The following SGMS2 variants were observed in gnomAD, a reference collection of about 807,000 sequenced individuals.
The protein encoded by SGMS2 is phosphatidylcholine:ceramide cholinephosphotransferase 2.
A neutral mutation model predicts 43.8 loss-of-function variants in SGMS2; 21 were observed. The observed-to-expected ratio is 0.48, with a 90% CI of 0.34 to 0.69. The LOEUF (loss-of-function observed/expected upper bound fraction) is 0.69, where lower values mean the gene tolerates loss of function less well. SGMS2 is among the 30% of genes least tolerant of loss of function. SGMS2 has a pLI of 0.01. For missense variants in SGMS2, 384 were observed against 443.2 expected, an observed-to-expected ratio of 0.87 and a Z score of 1.20; for synonymous variants, 167 against 160.6, an observed-to-expected ratio of 1.04 and a Z score of -0.30.
At chr4:107,865,621 A>G (rs780996790) in intron 2 of SGMS2, among the ~76,000 whole-genome samples, 7 of 152,276 alleles carry the variant, frequency 4.6e-5, no homozygotes, top group Middle Eastern at 3.4e-3. Context: ...TCACCCAATA[A>G]CTTTTCTATT....
intron 5 of SGMS2, chr4:107,908,308 G>A (rs1731783976): frequency 7.9e-6 from 3 of 380,904 alleles, no homozygotes; most frequent in Non-Finnish European, 1.4e-5. Flanking sequence ...TATTCACGTG[G>A]GTAAGGCCTA....
chr4:107,834,993 C>A (rs1269530847), intron 1 of SGMS2, among the ~76,000 whole-genome samples: 4 of 152,062 alleles, frequency 2.6e-5, no homozygotes, highest in African/African-American at 9.7e-5. Context: ...TATGATCATG[C>A]CACTGTACTC....
chr4:107,830,225 A>C (rs1427549656), intron 1 of SGMS2, among the ~76,000 whole-genome samples: 1 of 152,132 alleles, frequency 6.6e-6, no homozygotes, highest in Non-Finnish European at 1.5e-5. Context: ...CATTTTTATG[A>C]CTGCATAGTA....
At chr4:107,854,912 C>A (rs566749291) in intron 1 of SGMS2, among the ~76,000 whole-genome samples, 1 of 152,254 alleles carries the variant, frequency 6.6e-6, no homozygotes, top group South Asian at 2.1e-4. Context: ...GTGTCAAATG[C>A]TTTCTTTTTC....
chr4:107,859,396 A>G (rs1727604348), intron 2 of SGMS2, among the ~76,000 whole-genome samples: 1 of 152,230 alleles, frequency 6.6e-6, no homozygotes, highest in Admixed American at 6.5e-5. Context: ...AATATTATTC[A>G]GCACAGTATT....
In SGMS2 at chr4:107,910,354, T is replaced by G. The variant is rs748063730; in HGVS notation, c.899T>G (p.Leu300Trp). The change falls in exon 7 of 7, where the codon TTG becomes TGG. Residue 300 changes from leucine (L) to tryptophan (W), a missense_variant. Transcript: ENST00000690982. Reference sequence around the variant, plus strand: ...ATTTTTTTCTACCATTTACAGAACTTGAAGGTCTCTTCACAGACTAATTTC... The same window carrying G: ...ATTTTTTTCTACCATTTACAGAACTGGAAGGTCTCTTCACAGACTAATTTC... ...WYHSMANEKN[L>W]KVSSQTNFLS... 7 of 1,613,448 alleles carry G rather than the reference T, an allele frequency of 4.3e-6. No homozygotes were observed. In the South Asian group the frequency reaches 7.7e-5, roughly 18 times the overall value.
At chr4:107,836,877 G>A (rs1286459832) in intron 1 of SGMS2, among the ~76,000 whole-genome samples, 1 of 152,176 alleles carries the variant, frequency 6.6e-6, no homozygotes, top group East Asian at 1.9e-4. Flanking sequence ...GGAGGGAAGG[G>A]AGAGGAGAGT....
In SGMS2 at chr4:107,913,159, A is replaced by G. The variant is rs368659487; in HGVS notation, c.*2606A>G. 2.6e-5 allele frequency: 4 copies of G among 152,114 alleles called. No individual in the cohort carries two copies. Among genetic ancestry groups the G allele is most frequent in the African/African-American group, 9.7e-5 (4 of 41,440 alleles). The allele number at this position is 152,114 out of a possible 1,614,324, so 9.4% of individuals were successfully genotyped here. A position where few individuals can be genotyped will look rare whatever the true frequency, so the allele number is the denominator to read the frequency against. On this transcript the variant is annotated 3_prime_UTR_variant, in exon 7 of 7. Coordinates refer to ENST00000690982, the MANE Select transcript of SGMS2 (RefSeq NM_001375905.1). ...TATTATCTTTGTTTTTTTCAAGTCT[A>G]TGCTCCTGTTTGAAGCTTTTCCTGT...
chr4:107,857,716 A>G (rs1727502841), intron 1 of SGMS2, among the ~76,000 whole-genome samples: 2 of 152,196 alleles, frequency 1.3e-5, no homozygotes. Flanking sequence ...GAAAGACTGC[A>G]GCAACTGTAT....
chr4:107,903,466 A>C, intron 5 of SGMS2, 80 bp downstream of exon 5: 4 of 1,357,688 alleles, frequency 2.9e-6, no homozygotes, highest in Non-Finnish European at 4.1e-6. Context: ...AGGAGCCCTT[A>C]TTCTCTTGGG....
intron 2 of SGMS2, chr4:107,863,502 T>C (rs75339909): frequency 6.6e-6 from 1 of 152,338 alleles, no homozygotes; most frequent in East Asian, 1.9e-4. Flanking sequence ...TATTCTTTTA[T>C]GATTTCAAGG....
rs1725505532 is a variant in SGMS2 at position 107,825,203 on chromosome 4, CG to C, written c.-374del. 6.5e-6 allele frequency: 1 copy of C among 152,720 alleles called. No homozygotes were observed. Among genetic ancestry groups the C allele is most frequent in the Admixed American group, 6.5e-5 (1 of 15,290 alleles). 9.5% of individuals were successfully genotyped at this position (152,720 alleles called of 1,614,324 possible). On this transcript the variant is annotated 5_prime_UTR_variant, in exon 1 of 7. Transcript: ENST00000690982. Reference sequence around the variant, plus strand: ...TCCATCCCCTGGCAAATCCCCTTCCCGGGAGCAAGTGCCTTCAGCTGGGAGT... The same window carrying C: ...TCCATCCCCTGGCAAATCCCCTTCCCGGAGCAAGTGCCTTCAGCTGGGAGT...
At chr4:107,909,209 G>A (rs892298711) in intron 6 of SGMS2, among the ~76,000 whole-genome samples, 2 of 151,516 alleles carry the variant, frequency 1.3e-5, no homozygotes, top group Non-Finnish European at 1.5e-5. Flanking sequence ...AAGTTCAAGC[G>A]ATTCTTGTGC....
In SGMS2 at chr4:107,847,931, A is replaced by T. The variant is rs143288879; in HGVS notation, c.-326-10541A>T. Among the ~76,000 whole-genome samples, 141 of 152,302 alleles carry T rather than the reference A, an allele frequency of 9.3e-4. 1 individual carries two copies. The East Asian group carries it at 0.011, about 12-fold the overall frequency. Reference sequence around the variant, plus strand: ...TAAGGAGCCAATATGATATATTATTAACCAAAGTCCATAGTTTAGAGTTCA... The same window carrying T: ...TAAGGAGCCAATATGATATATTATTTACCAAAGTCCATAGTTTAGAGTTCA... On this transcript the variant is annotated intron_variant, in intron 1 of 6. Coordinates refer to ENST00000690982, the MANE Select transcript of SGMS2 (RefSeq NM_001375905.1).
Position 107,895,367 on chromosome 4 carries a change from AGGTAC to A in SGMS2, c.-186_-182del. The A allele has an allele frequency of 3.5e-6, 2 of 577,954 alleles. No individual in the cohort carries two copies. The highest frequency in any genetic ancestry group is 1.9e-5 in the African/African-American group (1 of 53,454). The allele number at this position is 577,954 out of a possible 1,614,324, so 35.8% of individuals were successfully genotyped here. A position where few individuals can be genotyped will look rare whatever the true frequency, so the allele number is the denominator to read the frequency against. ...TGGCTTCCTTTCTTGAAAGTGGTGAAGGTACAGCATATAGCTGCATGGAAGAAACA... is the reference window on the plus strand; with the variant it reads ...TGGCTTCCTTTCTTGAAAGTGGTGAAAGCATATAGCTGCATGGAAGAAACA... On this transcript the variant is annotated 5_prime_UTR_variant, in exon 3 of 7. Transcript: ENST00000690982.
intron 1 of SGMS2, among the ~76,000 whole-genome samples, chr4:107,855,653 A>G (rs1727381071): frequency 6.6e-6 from 1 of 152,140 alleles, no homozygotes; most frequent in African/African-American, 2.4e-5. Context: ...AAGAATGTGT[A>G]TTGTATAGCC....
At chr4:107,862,624 CT>C (rs1241210375) in intron 2 of SGMS2, among the ~76,000 whole-genome samples, 16 of 152,206 alleles carry the variant, frequency 1.1e-4, no homozygotes, top group Middle Eastern at 3.4e-3. Context: ...AGCATAGTGC[CT>C]TTTGAATGCT....
At chr4:107,891,890 G>C (rs891382194) in intron 2 of SGMS2, among the ~76,000 whole-genome samples, 3 of 152,028 alleles carry the variant, frequency 2.0e-5, no homozygotes, top group African/African-American at 7.2e-5. Flanking sequence ...GAACATACCT[G>C]GCCCCCAGGT....
In SGMS2 at chr4:107,829,574, C is replaced by A. The variant is rs530529476; in HGVS notation, c.-327+4321C>A. On this transcript the variant is annotated intron_variant, in intron 1 of 6. Coordinates refer to ENST00000690982, the MANE Select transcript of SGMS2 (RefSeq NM_001375905.1). ...AATTGGTTTCCCCTCTATTGACAAA[C>A]CCCTATACAATTTGAAATTCAGCCT... is the stretch of plus-strand genomic sequence containing the variant. Among the ~76,000 whole-genome samples the A allele has an allele frequency of 5.3e-5, 8 of 152,244 alleles. No individual in the cohort carries two copies. The East Asian group carries it at 1.3e-3, about 26-fold the overall frequency.
Sources: allele counts gnomAD v4.1 joint callset (sites outside exome capture counted in the v4.1 genomes callset), GRCh38; gene constraint gnomAD v4.1.1; transcripts MANE v1.5; gene names NCBI Gene and HGNC (gene_info 2026-07-23, HGNC 2026-07-21).